The following ATP8A2 variants were observed in gnomAD, a reference collection of about 807,000 sequenced individuals.
The protein encoded by ATP8A2 is ATPase phospholipid transporting 8A2.
A neutral mutation model predicts 165.6 loss-of-function variants in ATP8A2; 100 were observed. That is an observed-to-expected ratio of 0.60 (90% CI 0.51 to 0.71). The LOEUF (loss-of-function observed/expected upper bound fraction) is 0.71. Ranked by LOEUF, ATP8A2 falls within the 30% of genes least tolerant of loss-of-function variation. ATP8A2 has a pLI of 0.00. For missense variants in ATP8A2, 1,227 were observed against 1,479.5 expected, an observed-to-expected ratio of 0.83 and a Z score of 2.80; for synonymous variants, 543 against 548.8, an observed-to-expected ratio of 0.99 and a Z score of 0.15.
chr13:25,938,688 C>G (rs1255257352), intron 33 of ATP8A2, among the ~76,000 whole-genome samples: 2 of 152,134 alleles, frequency 1.3e-5, no homozygotes, highest in Non-Finnish European at 2.9e-5. Flanking sequence ...AGCAGGGAGA[C>G]ATGCTTTGAT....
intron 34 of ATP8A2, among the ~76,000 whole-genome samples, chr13:25,968,359 G>C (rs527821982): frequency 6.6e-6 from 1 of 152,304 alleles, no homozygotes; most frequent in African/African-American, 2.4e-5. Context: ...CTCTTGACAT[G>C]CATGATCCGG....
intron 2 of ATP8A2, chr13:25,517,284 T>C (rs1487696246): frequency 6.6e-6 from 1 of 152,106 alleles, no homozygotes; most frequent in African/African-American, 2.4e-5. Flanking sequence ...TTCAATAATG[T>C]CACTTTTAAT....
At chr13:26,018,656 G>C (rs548637112) in intron 36 of ATP8A2, among the ~76,000 whole-genome samples, 27 of 152,282 alleles carry the variant, frequency 1.8e-4, no homozygotes, top group African/African-American at 6.5e-4. Flanking sequence ...ATGTCTTTCT[G>C]TGGGAAGGGC....
intron 1 of ATP8A2, among the ~76,000 whole-genome samples, chr13:25,445,229 C>CTT (rs2035037599): frequency 1.3e-5 from 2 of 152,052 alleles, no homozygotes; most frequent in Non-Finnish European, 2.9e-5. Context: ...ACTTTGCCTC[C>CTT]CTTGGAATGA....
intron 24 of ATP8A2, among the ~76,000 whole-genome samples, chr13:25,600,192 A>C (rs909263824): frequency 2.0e-5 from 3 of 152,232 alleles, no homozygotes; most frequent in African/African-American, 7.2e-5. Context: ...CATTGAACAC[A>C]GACATCCCCA....
intron 24 of ATP8A2, among the ~76,000 whole-genome samples, chr13:25,619,251 A>G (rs1223415522): frequency 6.6e-6 from 1 of 152,090 alleles, no homozygotes; most frequent in Non-Finnish European, 1.5e-5. Flanking sequence ...GGGTAAGGTG[A>G]CAGAAGACAG....
Position 25,718,584 on chromosome 13 carries a change from G to A in ATP8A2, c.2384+19239G>A, listed in dbSNP as rs192305083. On this transcript the variant is annotated intron_variant, in intron 25 of 36. Coordinates refer to ENST00000381655, the MANE Select transcript of ATP8A2 (RefSeq NM_016529.6). ...AGAGGGTTGTTTGTTTTTACTTGAT[G>A]AGGTGCAGAAGTTGGGACTGTACTG... 7.9e-5 allele frequency among the ~76,000 whole-genome samples: 12 copies of A among 152,312 alleles called. No homozygotes were observed. In the South Asian group the frequency reaches 1.0e-3, roughly 13 times the overall value.
chr13:25,490,001 TTA>T (rs1566178894), intron 2 of ATP8A2, among the ~76,000 whole-genome samples: 5 of 152,210 alleles, frequency 3.3e-5, no homozygotes, highest in African/African-American at 1.2e-4. Context: ...ACAAATTTTT[TTA>T]TGGTAGTCGG....
chr13:25,730,518 G>C (rs986640157), intron 25 of ATP8A2, among the ~76,000 whole-genome samples: 2 of 152,130 alleles, frequency 1.3e-5, no homozygotes, highest in African/African-American at 4.8e-5. Context: ...CTTCAACTCT[G>C]CTTAGAGTTT....
chr13:25,929,859 T>C (rs1407816141), intron 33 of ATP8A2, among the ~76,000 whole-genome samples: 1 of 152,186 alleles, frequency 6.6e-6, no homozygotes, highest in African/African-American at 2.4e-5. Context: ...TGCCTAATCC[T>C]GTGACTACTT....
chr13:25,926,814 A>G (rs1433009992), intron 33 of ATP8A2, among the ~76,000 whole-genome samples: 1 of 152,240 alleles, frequency 6.6e-6, no homozygotes, highest in African/African-American at 2.4e-5. Context: ...AGCCTGGGCA[A>G]TATAGCAAGA....
chr13:25,929,186 G>T (rs183310159), intron 33 of ATP8A2, among the ~76,000 whole-genome samples: 1 of 152,118 alleles, frequency 6.6e-6, no homozygotes, highest in South Asian at 2.1e-4. Context: ...GTAAATGTGC[G>T]TGACCATGTG....
chr13:25,864,775 G>A (rs1288322534), intron 33 of ATP8A2, among the ~76,000 whole-genome samples: 3 of 152,216 alleles, frequency 2.0e-5, no homozygotes, highest in Non-Finnish European at 4.4e-5. Context: ...GATTAATGTG[G>A]TTCTCTAGTG....
intron 33 of ATP8A2, among the ~76,000 whole-genome samples, chr13:25,900,478 G>C (rs306418): frequency 6.6e-6 from 1 of 152,136 alleles, no homozygotes; most frequent in African/African-American, 2.4e-5. Flanking sequence ...AGTGAAGAGG[G>C]AGGGGCATCT....
intron 1 of ATP8A2, among the ~76,000 whole-genome samples, chr13:25,446,198 G>A (rs1254612747): frequency 1.3e-5 from 2 of 152,094 alleles, no homozygotes; most frequent in African/African-American, 4.8e-5. Context: ...TGCCGTCATT[G>A]TCTCCTGCCC....
At chr13:25,868,261 A>T (rs1201616267) in intron 33 of ATP8A2, 1 of 348,800 alleles carries the variant, frequency 2.9e-6, no homozygotes, top group African/African-American at 2.2e-5. Context: ...TGCAATTATT[A>T]GTTTTTTAGA....
chr13:25,842,911 G>A (rs1951778780), intron 30 of ATP8A2, among the ~76,000 whole-genome samples: 1 of 152,150 alleles, frequency 6.6e-6, no homozygotes, highest in Non-Finnish European at 1.5e-5. Context: ...TGTAAGGTGA[G>A]CGGTAGAAAG....
intron 27 of ATP8A2, among the ~76,000 whole-genome samples, chr13:25,803,601 G>T (rs537027700): frequency 6.6e-6 from 1 of 152,340 alleles, no homozygotes; most frequent in African/African-American, 2.4e-5. Context: ...CGTGTGCACA[G>T]ATCAGCCTCG....
intron 27 of ATP8A2, among the ~76,000 whole-genome samples, chr13:25,803,240 G>A (rs1950658603): frequency 6.6e-6 from 1 of 152,164 alleles, no homozygotes. Flanking sequence ...CAATATGTAT[G>A]TGGTCAGGTT....
Sources: allele counts gnomAD v4.1 joint callset (sites outside exome capture counted in the v4.1 genomes callset), GRCh38; gene constraint gnomAD v4.1.1; transcripts MANE v1.5; gene names NCBI Gene and HGNC (gene_info 2026-07-23, HGNC 2026-07-21).